Variants in CNTNAP2 observed in about 807,000 individuals in gnomAD.
CNTNAP2 encodes contactin associated protein 2.
CNTNAP2 carries 98 observed loss-of-function variants against 155.2 expected under a neutral mutation model. The observed-to-expected ratio is 0.63, with a 90% CI of 0.54 to 0.75. The LOEUF is 0.75. CNTNAP2 is among the 30% of genes least tolerant of loss of function. The pLI is 0.00. For synonymous variants in CNTNAP2, 651 were observed against 631.2 expected (o/e 1.03, Z -0.47); for missense variants, 1,727 against 1,688.1 (o/e 1.02, Z -0.40).
chr7:147,952,119 A>G (rs1320513875), intron 14 of CNTNAP2, among the ~76,000 whole-genome samples: 1 of 151,856 alleles, frequency 6.6e-6, no homozygotes, highest in Non-Finnish European at 1.5e-5. Context: ...GAGCATGTTT[A>G]TATCTTAATT....
At chr7:148,085,944 T>A (rs556987430) in intron 15 of CNTNAP2, among the ~76,000 whole-genome samples, 1 of 152,360 alleles carries the variant, frequency 6.6e-6, no homozygotes, top group South Asian at 2.1e-4. Flanking sequence ...CAAGTTATTC[T>A]GCCATATTAA....
intron 1 of CNTNAP2, among the ~76,000 whole-genome samples, chr7:146,632,214 T>C (rs1799522223): frequency 6.6e-6 from 1 of 152,174 alleles, no homozygotes; most frequent in South Asian, 2.1e-4. Flanking sequence ...TTAGTGATTG[T>C]ATTTTTCATT....
intron 21 of CNTNAP2, among the ~76,000 whole-genome samples, chr7:148,268,832 A>C (rs1263593659): frequency 6.6e-6 from 1 of 152,088 alleles, no homozygotes; most frequent in Non-Finnish European, 1.5e-5. Flanking sequence ...AGATTAAATA[A>C]CCGGGCCACC....
At chr7:147,107,817 T>C (rs143653822) in intron 4 of CNTNAP2, among the ~76,000 whole-genome samples, 1 of 152,292 alleles carries the variant, frequency 6.6e-6, no homozygotes, top group East Asian at 1.9e-4. Flanking sequence ...TGTTTGAGAT[T>C]TAAAAATTTT....
At chr7:148,123,637 A>AAGGAAGGAAGGAAGGGAGAGC (rs1804647815) in intron 16 of CNTNAP2, among the ~76,000 whole-genome samples, 2 of 27,658 alleles carry the variant, frequency 7.2e-5, no homozygotes, top group Non-Finnish European at 1.6e-4. Flanking sequence ...GGAGAGCAGG[A>AAGGAAGGAAGGAAGGGAGAGC]AGGAAGGAAG....
chr7:146,856,587 T>C (rs1794993860), intron 3 of CNTNAP2, among the ~76,000 whole-genome samples: 1 of 152,148 alleles, frequency 6.6e-6, no homozygotes, highest in South Asian at 2.1e-4. Flanking sequence ...TACAAATCAC[T>C]TATTAGTTGC....
intron 13 of CNTNAP2, among the ~76,000 whole-genome samples, chr7:147,692,817 G>C (rs1308774865): frequency 6.6e-6 from 1 of 151,944 alleles, no homozygotes; most frequent in Non-Finnish European, 1.5e-5. Context: ...CTCTTGACAT[G>C]CTCCTTCACA....
At chr7:147,937,978 G>A (rs1210408571) in intron 14 of CNTNAP2, among the ~76,000 whole-genome samples, 1 of 152,082 alleles carries the variant, frequency 6.6e-6, no homozygotes, top group Admixed American at 6.5e-5. Context: ...TTAATTCTCA[G>A]GGGCAGTCCT....
intron 4 of CNTNAP2, among the ~76,000 whole-genome samples, chr7:147,052,722 C>A (rs1799494555): frequency 6.6e-6 from 1 of 151,494 alleles, no homozygotes; most frequent in Non-Finnish European, 1.5e-5. Context: ...AAAAAACCAC[C>A]CAAGATCCAG....
At chr7:146,925,317 G>T (rs1014987287) in intron 3 of CNTNAP2, among the ~76,000 whole-genome samples, 5 of 151,834 alleles carry the variant, frequency 3.3e-5, no homozygotes, top group Admixed American at 3.3e-4. Context: ...TATTATCAAA[G>T]TTAAACATGA....
At chr7:147,036,695 A>G (rs1046052419) in intron 3 of CNTNAP2, among the ~76,000 whole-genome samples, 2 of 152,156 alleles carry the variant, frequency 1.3e-5, no homozygotes, top group African/African-American at 2.4e-5. Context: ...TTTTTTATGT[A>G]TCTGCAAAGC....
chr7:148,412,691 G>A (rs1217457885), intron 23 of CNTNAP2, among the ~76,000 whole-genome samples: 5 of 152,022 alleles, frequency 3.3e-5, no homozygotes, highest in African/African-American at 1.2e-4. Flanking sequence ...ATATCCTTTT[G>A]TTGTTTCATT....
chr7:147,503,011 T>C (rs919387044), intron 11 of CNTNAP2, among the ~76,000 whole-genome samples: 7 of 151,966 alleles, frequency 4.6e-5, no homozygotes, highest in Non-Finnish European at 8.8e-5. Context: ...ATGCTAAGGG[T>C]GTTTGATTTC....
Position 147,811,035 on chromosome 7 carries a change from C to G in CNTNAP2, c.2099-92530C>G, listed in dbSNP as rs1024139612. On this transcript the variant is annotated intron_variant, in intron 13 of 23. Coordinates refer to ENST00000361727, the MANE Select transcript of CNTNAP2 (RefSeq NM_014141.6). The stretch of plus-strand genomic sequence containing the variant: ...AAGTTACTAGGAAGTAGGCATGTAA[C>G]CTTAGTTAGTCTTGTTCTCCAGTTT... Among the ~76,000 whole-genome samples, 3 of 152,256 alleles carry G rather than the reference C, an allele frequency of 2.0e-5. 1 individual carries two copies. The highest frequency in any genetic ancestry group is 6.8e-3 in the Middle Eastern group (2 of 294).
At chr7:147,353,092 TATAG>T (rs1269316527) in intron 9 of CNTNAP2, among the ~76,000 whole-genome samples, 4 of 140,018 alleles carry the variant, frequency 2.9e-5, no homozygotes, top group African/African-American at 1.0e-4. Flanking sequence ...TATATATATA[TATAG>T]ACACACACAC....
intron 21 of CNTNAP2, among the ~76,000 whole-genome samples, chr7:148,328,097 G>T (rs1797922699): frequency 6.6e-6 from 1 of 152,312 alleles, no homozygotes; most frequent in South Asian, 2.1e-4. Flanking sequence ...TGGAAATAAA[G>T]ACCACCCAGA....
At chr7:148,371,483 A>G (rs1798885987) in intron 21 of CNTNAP2, among the ~76,000 whole-genome samples, 2 of 152,216 alleles carry the variant, frequency 1.3e-5, no homozygotes, top group Admixed American at 1.3e-4. Context: ...ACTAAATGCC[A>G]TATGGCACAT....
intron 1 of CNTNAP2, among the ~76,000 whole-genome samples, chr7:146,644,433 T>C (rs1020115788): frequency 6.6e-6 from 1 of 152,122 alleles, no homozygotes; most frequent in Non-Finnish European, 1.5e-5. Context: ...TTGTCTTTGG[T>C]TCTGTTTATA....
In CNTNAP2 at chr7:147,051,074, A is replaced by T. The variant is rs567343739; in HGVS notation, c.550+7020A>T. ...AAACCAGGATGACCTTATCTTAACA[A>T]GCTATATCCACAAAGACCCACTTTT... On this transcript the variant is annotated intron_variant, in intron 4 of 23. Transcript: ENST00000361727. 8.9e-4 allele frequency among the ~76,000 whole-genome samples: 135 copies of T among 151,850 alleles called. 1 individual carries two copies. Among genetic ancestry groups the T allele is most frequent in the African/African-American group, 3.1e-3 (129 of 41,448 alleles).
Sources: allele counts gnomAD v4.1 joint callset (sites outside exome capture counted in the v4.1 genomes callset), GRCh38; gene constraint gnomAD v4.1.1; transcripts MANE v1.5; gene names NCBI Gene and HGNC (gene_info 2026-07-23, HGNC 2026-07-21).